The following YEATS2 variants were observed in gnomAD, a reference collection of about 807,000 sequenced individuals.
YEATS2 encodes YEATS domain-containing protein 2.
In YEATS2, 77 loss-of-function variants were observed where a neutral mutation model predicts 163.2. The observed-to-expected ratio is 0.47, with a 90% CI of 0.39 to 0.57. The LOEUF (loss-of-function observed/expected upper bound fraction) is 0.57. Among genes scored for constraint, YEATS2 ranks in the 20% least tolerant of loss-of-function variants. The probability of loss-of-function intolerance (pLI) is 0.00; values close to 1 mark genes in which losing one functional copy is unlikely to be tolerated. For missense variants in YEATS2, 1,549 were observed against 1,729.8 expected (o/e 0.90, Z 1.85); for synonymous variants, 631 against 645.1 (o/e 0.98, Z 0.33).
chr3:183,806,985 C>G lies in YEATS2; in HGVS notation c.3904C>G (p.Pro1302Ala). 6.2e-7 allele frequency: 1 copy of G among 1,614,086 alleles called. No homozygotes were observed. Among genetic ancestry groups the G allele is most frequent in the Non-Finnish European group, 8.5e-7 (1 of 1,180,018 alleles). The change falls in exon 28 of 31, where the codon CCA (proline) becomes GCA (alanine). Residue 1302 changes from proline to alanine, a missense_variant. Coordinates refer to ENST00000305135, the MANE Select transcript of YEATS2 (RefSeq NM_018023.5). The part of the protein sequence containing the change: ...EEVDILSLSE[P>A]VKINIKKEQE... ...GGTGGACATCCTCAGCCTCTCCGAG[C>G]CAGTGAAGATAAACATCAAGAAGGA...
chr3:183,711,768 T>A (rs1715244172), intron 1 of YEATS2, among the ~76,000 whole-genome samples: 1 of 151,906 alleles, frequency 6.6e-6, no homozygotes, highest in Non-Finnish European at 1.5e-5. Flanking sequence ...GTTTCTGAGA[T>A]GAGTGAAAGA....
intron 21 of YEATS2, among the ~76,000 whole-genome samples, chr3:183,794,037 A>C (rs1325247877): frequency 1.3e-5 from 2 of 152,234 alleles, no homozygotes; most frequent in Non-Finnish European, 2.9e-5. Flanking sequence ...CTGCGTGAGC[A>C]ACGGAGAGAG....
intron 20 of YEATS2, 60 bp downstream of exon 20, chr3:183,786,361 G>A (rs1724067618): frequency 1.3e-6 from 2 of 1,516,136 alleles, no homozygotes; most frequent in South Asian, 2.5e-5. Flanking sequence ...GTAGATACAA[G>A]GAAGGTGTCC....
At chr3:183,722,214 A>T in intron 5 of YEATS2, 78 bp downstream of exon 5, 1 of 1,447,034 alleles carries the variant, frequency 6.9e-7, no homozygotes, top group Non-Finnish European at 9.3e-7. Flanking sequence ...TTGTTATCTC[A>T]CTGAACTGTC....
chr3:183,810,505 T>A lies in YEATS2; in HGVS notation c.4191T>A (p.Ile1397=). Residue 1397 remains isoleucine, a synonymous_variant, in exon 31 of 31, where the codon ATT becomes ATA. Transcript: ENST00000305135. ...RIPKEITVSN[I]HQAICNIPFL... is the part of the protein sequence containing the mutation. ...CCAAAGAAATTACAGTGAGTAATAT[T>A]CACCAGGCCATTTGCAACATTCCTT... is the stretch of plus-strand genomic sequence containing the variant. 6.2e-7 allele frequency: 1 copy of A among 1,614,148 alleles called. No homozygotes were observed. Among genetic ancestry groups the A allele is most frequent in the South Asian group, 1.1e-5 (1 of 91,080 alleles).
chr3:183,775,152 G>A (rs1722833352), intron 17 of YEATS2, among the ~76,000 whole-genome samples: 1 of 152,192 alleles, frequency 6.6e-6, no homozygotes, highest in Admixed American at 6.5e-5. Context: ...TGGAGTCATT[G>A]TAAATGAAGG....
chr3:183,724,828 C>T (rs906451668), intron 6 of YEATS2, among the ~76,000 whole-genome samples: 2 of 152,114 alleles, frequency 1.3e-5, no homozygotes, highest in African/African-American at 2.4e-5. Flanking sequence ...CCGCAACCTC[C>T]CCCCGCCCGG....
At chr3:183,736,224 C>T (rs556388200) in intron 7 of YEATS2, among the ~76,000 whole-genome samples, 1 of 152,154 alleles carries the variant, frequency 6.6e-6, no homozygotes, top group East Asian at 1.9e-4. Context: ...CAGGGAAGGT[C>T]ATATTGTGAA....
rs377590569 is a variant in YEATS2 at position 183,800,583 on chromosome 3, C to CTT, written c.3428+17_3428+18dup. Reference sequence around the variant, plus strand: ...TATGTCATTAAGTAATTCTTCCAATCTTTCCTAAAGGAATTCCGCTTCGGG... The same window carrying CTT: ...TATGTCATTAAGTAATTCTTCCAATCTTTTTCCTAAAGGAATTCCGCTTCGGG... On this transcript the variant is annotated intron_variant, in intron 24 of 30. Coordinates refer to ENST00000305135, the MANE Select transcript of YEATS2 (RefSeq NM_018023.5). 1.2e-6 allele frequency: 2 copies of CTT among 1,606,702 alleles called. No individual in the cohort carries two copies. Among genetic ancestry groups the CTT allele is most frequent in the African/African-American group, 2.7e-5 (2 of 74,912 alleles).
chr3:183,707,559 T>G (rs1424082397), intron 1 of YEATS2, among the ~76,000 whole-genome samples: 1 of 152,212 alleles, frequency 6.6e-6, no homozygotes, highest in Non-Finnish European at 1.5e-5. Flanking sequence ...GAATGTATTT[T>G]CTTTTAAGAC....
intron 15 of YEATS2, among the ~76,000 whole-genome samples, chr3:183,765,940 C>CT (rs929300453): frequency 1.3e-5 from 2 of 148,540 alleles, no homozygotes; most frequent in South Asian, 2.1e-4. Context: ...GAGCAAGACT[C>CT]TGTCTAAAAA....
chr3:183,756,718 C>G, intron 12 of YEATS2, 29 bp downstream of exon 12: 1 of 1,387,500 alleles, frequency 7.2e-7, no homozygotes, highest in East Asian at 2.7e-5. Flanking sequence ...TTTGTACCAT[C>G]TAAAGGGTTT....
At chr3:183,807,674 G>T in intron 28 of YEATS2, 1 of 231,048 alleles carries the variant, frequency 4.3e-6, no homozygotes, top group Non-Finnish European at 8.6e-6. Flanking sequence ...GAATGGGCAA[G>T]ATGCAGTTTC....
intron 29 of YEATS2, 90 bp from the exon 30 acceptor site, chr3:183,809,007 A>T: frequency 7.2e-7 from 1 of 1,387,588 alleles, no homozygotes; most frequent in Non-Finnish European, 1.0e-6. Context: ...AGTGGTTTCA[A>T]ACATTTGGGG....
chr3:183,701,775 A>G (rs965954518), intron 1 of YEATS2, among the ~76,000 whole-genome samples: 3 of 152,202 alleles, frequency 2.0e-5, no homozygotes, highest in African/African-American at 7.2e-5. Flanking sequence ...ATTAAAACTT[A>G]AAAACAAAAT....
chr3:183,799,144 T>TA (rs1428085066), intron 23 of YEATS2, among the ~76,000 whole-genome samples, 155 bp downstream of exon 23: 1 of 152,228 alleles, frequency 6.6e-6, no homozygotes, highest in Non-Finnish European at 1.5e-5. Flanking sequence ...ACTTGGCAAA[T>TA]ATGTCCTAAA....
chr3:183,780,000 C>CTTTTTTTTTTTTTTTTTTTTTT (rs71298586), intron 19 of YEATS2, among the ~76,000 whole-genome samples: 2 of 134,812 alleles, frequency 1.5e-5, no homozygotes, highest in African/African-American at 2.8e-5. Flanking sequence ...CTGGCCTTTA[C>CTTTTTTTTTTTTTTTTTTTTTT]TTTTTTTTTT....
chr3:183,801,526 A>G lies in YEATS2; in HGVS notation c.3500A>G (p.Lys1167Arg), dbSNP rs1725664634. Residue 1167 changes from lysine to arginine, a missense_variant and splice_region_variant, in exon 25 of 31, where the codon AAA becomes AGA. Physicochemically the swap from Lys to Arg is conservative, Grantham distance 26. Transcript: ENST00000305135. ...VVKKIPLITA[K>R]SEDASCFSAK... ...AAGAAGATTCCATTAATCACTGCAA[A>G]AAGTAAGACAATTACACTGAATATA... 6.2e-7 allele frequency: 1 copy of G among 1,606,946 alleles called. No homozygotes were observed. The highest frequency in any genetic ancestry group is 8.5e-7 in the Non-Finnish European group (1 of 1,175,990).
chr3:183,803,828 C>T (rs1447986435), intron 26 of YEATS2, 159 bp from the exon 27 acceptor site: 4 of 586,716 alleles, frequency 6.8e-6, no homozygotes, highest in South Asian at 2.6e-5. Context: ...GGAAGTTCGA[C>T]TTTTTTTTTT....
Sources: gnomAD v4.1 joint callset for allele counts (sites outside exome capture counted in the v4.1 genomes callset) on GRCh38, gnomAD v4.1.1 for gene constraint, MANE v1.5 for transcripts, NCBI Gene and HGNC (gene_info 2026-07-23, HGNC 2026-07-21) for gene names.